INO80D: variants seen among roughly 807,000 people sequenced by gnomAD.
The protein encoded by INO80D is INO80 complex subunit D.
A neutral mutation model predicts 87.6 loss-of-function variants in INO80D; 21 were observed. That is an observed-to-expected ratio of 0.24 (90% CI 0.17 to 0.35). The LOEUF is 0.35. INO80D is among the 10% of genes least tolerant of loss of function. The pLI is 1.00. For synonymous variants in INO80D, 440 were observed against 491.0 expected (o/e 0.90, Z 1.37); for missense variants, 982 against 1,280.7 (o/e 0.77, Z 3.56).
intron 6 of INO80D, among the ~76,000 whole-genome samples, chr2:206,023,885 A>G (rs1688533407): frequency 6.6e-6 from 1 of 152,196 alleles, no homozygotes; most frequent in Non-Finnish European, 1.5e-5. Context: ...TGTTTTTTAA[A>G]TATCACTGAT....
In INO80D at chr2:206,009,775, T is replaced by C; in HGVS notation, c.1562A>G (p.Asp521Gly). The stretch of plus-strand genomic sequence containing the variant: ...CTGGTGCTGAACTTTACGGGAGTTA[T>C]CTCCTCTCAAGAAATTATCCTTTGG... ...AKKMDNFLRG[D>G]NSRKVQHQQQ... The change falls in exon 9 of 11, where the codon GAT becomes GGT. Residue 521 changes from aspartate (D) to glycine (G), a missense_variant. By Grantham distance (94) the Asp-to-Gly change is moderately conservative. Transcript: ENST00000403263. 6.2e-7 allele frequency: 1 copy of C among 1,612,328 alleles called. No individual in the cohort carries two copies. Among genetic ancestry groups the C allele is most frequent in the Non-Finnish European group, 8.5e-7 (1 of 1,179,106 alleles).
At chr2:206,022,558 A>G (rs971201361) in intron 6 of INO80D, among the ~76,000 whole-genome samples, 1 of 152,132 alleles carries the variant, frequency 6.6e-6, no homozygotes, top group Non-Finnish European at 1.5e-5. Flanking sequence ...TGATGTTTCC[A>G]TACAAACATT....
At chr2:206,027,150 GCACGCGCACACACACACACACA>G (rs1305482610) in intron 6 of INO80D, among the ~76,000 whole-genome samples, 2 of 98,140 alleles carry the variant, frequency 2.0e-5, no homozygotes, top group Admixed American at 2.4e-4. Flanking sequence ...ACGCACGCGC[GCACGCGCACACACACACACACA>G]CACACAGAGA....
intron 5 of INO80D, among the ~76,000 whole-genome samples, chr2:206,044,516 A>G (rs1278611102): frequency 6.6e-6 from 1 of 151,868 alleles, no homozygotes; most frequent in Non-Finnish European, 1.5e-5. Flanking sequence ...AAAACAGAGT[A>G]AAGGAAAAGA....
At chr2:206,068,190 C>G (rs1295593155) in intron 1 of INO80D, among the ~76,000 whole-genome samples, 3 of 152,134 alleles carry the variant, frequency 2.0e-5, no homozygotes, top group African/African-American at 7.2e-5. Context: ...CCTCAAACTT[C>G]TGGGCTCAAA....
chr2:206,061,511 C>G (rs1354265721), intron 3 of INO80D, among the ~76,000 whole-genome samples: 2 of 152,226 alleles, frequency 1.3e-5, no homozygotes, highest in Non-Finnish European at 2.9e-5. Context: ...CATTTTCAGT[C>G]TGCTAAAAAC....
Position 206,005,043 on chromosome 2 carries a change from C to A in INO80D, c.2409G>T (p.Leu803=). The change falls in exon 11 of 11, where the codon CTG becomes CTT. Residue 803 remains leucine, a synonymous_variant. Coordinates refer to ENST00000403263, the MANE Select transcript of INO80D (RefSeq NM_017759.5). ...AGGTGATTAGGTCATCTGCCTTGCT[C>A]AGCAGCTGGGCAGGATGTGGCCTCT... ...ASQRPHPAQL[L]SKADDLITSR... 6.2e-7 allele frequency: 1 copy of A among 1,613,944 alleles called. No homozygotes were observed. The highest frequency in any genetic ancestry group is 8.5e-7 in the Non-Finnish European group (1 of 1,179,878).
chr2:206,082,302 G>A (rs1044007861), intron 1 of INO80D, among the ~76,000 whole-genome samples: 2 of 152,186 alleles, frequency 1.3e-5, no homozygotes, highest in Non-Finnish European at 2.9e-5. Context: ...TTACAGGCGT[G>A]AGCCACCACG....
intron 4 of INO80D, among the ~76,000 whole-genome samples, chr2:206,052,057 G>A (rs1025594818): frequency 3.0e-4 from 46 of 152,204 alleles, no homozygotes; most frequent in African/African-American, 1.1e-3. Flanking sequence ...CTGAGCACAT[G>A]TCTTTATACT....
chr2:206,007,561 C>T (rs1296256499), intron 9 of INO80D, 120 bp from the exon 10 acceptor site: 4 of 1,143,230 alleles, frequency 3.5e-6, no homozygotes, highest in Non-Finnish European at 4.9e-6. Context: ...GTGGCTCACA[C>T]CTGTAATCCC....
At chr2:206,076,542 C>T (rs1690121374) in intron 1 of INO80D, among the ~76,000 whole-genome samples, 2 of 152,150 alleles carry the variant, frequency 1.3e-5, no homozygotes, top group African/African-American at 4.8e-5. Flanking sequence ...GAGAAAGAAG[C>T]AGTGAGAAAA....
chr2:206,057,053 C>CGCAA, intron 3 of INO80D, 110 bp from the exon 4 acceptor site: 2 of 1,066,954 alleles, frequency 1.9e-6, no homozygotes, highest in Non-Finnish European at 2.6e-6. Context: ...ACTATAGTGA[C>CGCAA]TCTTGGCAGC....
intron 3 of INO80D, 72 bp from the exon 4 acceptor site, chr2:206,057,015 T>C: frequency 7.1e-7 from 1 of 1,404,006 alleles, no homozygotes; most frequent in Non-Finnish European, 9.5e-7. Flanking sequence ...TAAAACTACA[T>C]GAGAATCCTA....
At chr2:206,017,935 T>G in intron 7 of INO80D, 122 bp from the exon 8 acceptor site, 1 of 813,656 alleles carries the variant, frequency 1.2e-6, no homozygotes, top group Non-Finnish European at 1.9e-6. Context: ...ATATAAATAT[T>G]ACCCATATCA....
intron 1 of INO80D, among the ~76,000 whole-genome samples, chr2:206,069,395 C>G (rs1465508268): frequency 6.6e-6 from 1 of 152,036 alleles, no homozygotes; most frequent in Non-Finnish European, 1.5e-5. Flanking sequence ...AATCTGTTCA[C>G]GTTTTCAGCA....
At chr2:206,069,797 A>G (rs1260271061) in intron 1 of INO80D, among the ~76,000 whole-genome samples, 1 of 152,158 alleles carries the variant, frequency 6.6e-6, no homozygotes, top group Non-Finnish European at 1.5e-5. Context: ...CTAACTCTCA[A>G]GGCTTTTTCC....
intron 1 of INO80D, among the ~76,000 whole-genome samples, chr2:206,072,798 C>G (rs920193137): frequency 2.6e-5 from 4 of 151,464 alleles, no homozygotes; most frequent in African/African-American, 7.3e-5. Context: ...TTTTTTACAA[C>G]AAATGCATTA....
At chr2:206,058,112 C>G (rs2105884278) in intron 3 of INO80D, among the ~76,000 whole-genome samples, 3 of 152,234 alleles carry the variant, frequency 2.0e-5, no homozygotes, top group Middle Eastern at 6.8e-3. Flanking sequence ...TCTTCACACT[C>G]TTCATGCTAT....
chr2:206,019,787 C>T lies in INO80D; in HGVS notation c.1357G>A (p.Gly453Ser), dbSNP rs1688411004. 2 of 1,613,884 alleles carry T rather than the reference C, an allele frequency of 1.2e-6. No individual in the cohort carries two copies. Among genetic ancestry groups the T allele is most frequent in the Non-Finnish European group, 8.5e-7 (1 of 1,179,860 alleles). Reference sequence around the variant, plus strand: ...AGGGCTTTGTTAGCGCACTGTTCACCCTTCACGGTTCCACTGCATGCTGCT... The same window carrying T: ...AGGGCTTTGTTAGCGCACTGTTCACTCTTCACGGTTCCACTGCATGCTGCT... ...EPAACSGTVK[G>S]EQCANKALPF... Residue 453 changes from glycine (G) to serine (S), a missense_variant, in exon 7 of 11, where the codon GGT (glycine) becomes AGT (serine). By Grantham distance (56) the Gly-to-Ser change is moderately conservative (BLOSUM62 0). Coordinates refer to ENST00000403263, the MANE Select transcript of INO80D (RefSeq NM_017759.5).
Sources: allele counts gnomAD v4.1 joint callset (sites outside exome capture counted in the v4.1 genomes callset), GRCh38; gene constraint gnomAD v4.1.1; transcripts MANE v1.5; gene names NCBI Gene and HGNC (gene_info 2026-07-23, HGNC 2026-07-21).